Variants in MRPL4 observed in about 807,000 individuals in gnomAD.
MRPL4 encodes large ribosomal subunit protein uL4m.
Under a neutral mutation model 34.1 loss-of-function variants are expected in MRPL4, and 34 were observed. The observed-to-expected ratio is 1.00, with a 90% CI of 0.76 to 1.33. MRPL4 has a LOEUF of 1.33. Ranked by LOEUF, MRPL4 falls within the 40% of genes most tolerant of loss-of-function variation. MRPL4 has a pLI of 0.00. For missense variants in MRPL4, 402 were observed against 434.6 expected (o/e 0.92, Z 0.67); for synonymous variants, 196 against 188.3 (o/e 1.04, Z -0.33).
intron 5 of MRPL4, among the ~76,000 whole-genome samples, chr19:10,257,773 A>C (rs543408071): frequency 1.3e-5 from 2 of 151,538 alleles, no homozygotes; most frequent in African/African-American, 4.8e-5. Context: ...CACTCTAGCC[A>C]CTCTATGGAA....
chr19:10,252,199 G>T (rs781060971), upstream of MRPL4: 123 of 1,509,602 alleles, frequency 8.1e-5, no homozygotes, highest in Non-Finnish European at 1.1e-4. Flanking sequence ...ATCCAGCGGC[G>T]CCTCGCGAGG....
chr19:10,252,113 TC>T, upstream of MRPL4: 1 of 1,041,920 alleles, frequency 9.6e-7, no homozygotes, highest in Non-Finnish European at 1.3e-6. Flanking sequence ...TCGGACCCCC[TC>T]CATCTTCGGT....
In MRPL4 at chr19:10,256,697, T is replaced by C. The variant is rs1465696931; in HGVS notation, c.328-11T>C. The C allele has an allele frequency of 1.2e-6, 2 of 1,610,540 alleles. No homozygotes were observed. The highest frequency in any genetic ancestry group is 3.3e-5 in the Admixed American group (2 of 59,786). On this transcript the variant is annotated splice_polypyrimidine_tract_variant and intron_variant, in intron 4 of 8. Coordinates refer to ENST00000253099, the MANE Select transcript of MRPL4 (RefSeq NM_015956.3). ...TCGTGGACCTGACCCCCCTCCTCTT[T>C]GTGCCTCCAGAGCTATGCCAAGACC...
chr19:10,257,237 C>T (rs115548928), intron 5 of MRPL4, among the ~76,000 whole-genome samples: 1,554 of 152,270 alleles, frequency 0.01, 25 homozygotes, highest in African/African-American at 0.036. Context: ...TGGCTGCACA[C>T]CTTTCCCCCT....
intron 2 of MRPL4, 30 bp downstream of exon 2, chr19:10,252,493 G>C (rs1404695166): frequency 3.1e-6 from 5 of 1,613,952 alleles, no homozygotes; most frequent in Non-Finnish European, 4.2e-6. Context: ...TCCAGGAGGG[G>C]CGGCGACAGA....
Position 10,258,443 on chromosome 19 carries a change from C to G in MRPL4, c.583C>G (p.Leu195Val), listed in dbSNP as rs139740270. 1.9e-6 allele frequency: 3 copies of G among 1,613,926 alleles called. No homozygotes were observed. The African/African-American group carries it at 4.0e-5, about 22-fold the overall frequency. The change falls in exon 7 of 9, where the codon CTG becomes GTG. Residue 195 changes from leucine to valine, a missense_variant. Transcript: ENST00000253099. ...DDLHIMDSLE[L>V]PTGDPQYLTE... ...CCTGCACATCATGGACTCCCTAGAGCTGCCCACCGGAGACCCACAGTACCT... is the reference window on the plus strand; with the variant it reads ...CCTGCACATCATGGACTCCCTAGAGGTGCCCACCGGAGACCCACAGTACCT...
Position 10,256,653 on chromosome 19 carries a change from C to T in MRPL4, c.328-55C>T, listed in dbSNP as rs924268076. On this transcript the variant is annotated intron_variant, in intron 4 of 8. Transcript: ENST00000253099. ...TTCCCCGTGGCAGGACTGATCTGCC[C>T]GGCTCCCTGACACCTGCCTCGTGGA... The T allele has an allele frequency of 1.9e-5, 28 of 1,498,858 alleles. No homozygotes were observed. The East Asian group carries it at 4.0e-4, about 21-fold the overall frequency. 92.8% of individuals were successfully genotyped at this position (1,498,858 alleles called of 1,614,324 possible).
rs757193561 is a variant in MRPL4 at position 10,258,632 on chromosome 19, G to C, written c.686G>C (p.Ser229Thr). The C allele has an allele frequency of 6.2e-7, 1 of 1,614,184 alleles. No individual in the cohort carries two copies. The highest frequency in any genetic ancestry group is 8.5e-7 in the Non-Finnish European group (1 of 1,180,036). ...VDLTHEEMPQ[S>T]IVEATSRLKT... ...AGAACACACGAGGAGATGCCACAGA[G>C]CATCGTGGAGGCCACCTCTAGGCTT... Residue 229 changes from serine to threonine, a missense_variant, in exon 8 of 9, where the codon AGC becomes ACC. By Grantham distance (58) the Ser-to-Thr change is moderately conservative (BLOSUM62 1). Transcript: ENST00000253099.
Position 10,256,738 on chromosome 19 carries a change from G to T in MRPL4, c.358G>T (p.Val120Leu), listed in dbSNP as rs751484818. 1 of 1,605,712 alleles carries T rather than the reference G, an allele frequency of 6.2e-7. No homozygotes were observed. The highest frequency in any genetic ancestry group is 8.5e-7 in the Non-Finnish European group (1 of 1,176,104). The stretch of plus-strand genomic sequence containing the variant: ...TGCCAAGACCAAGACGAGAGCCGAG[G>T]TGCGGGGCGGTGGCCGGAAGCCTTG... ...SYAKTKTRAEVRGGGRKPWPQ... is the reference protein window; with the variant it reads ...SYAKTKTRAELRGGGRKPWPQ... The change falls in exon 5 of 9, where the codon GTG becomes TTG. Residue 120 changes from valine to leucine, a missense_variant. By Grantham distance (32) the Val-to-Leu change is conservative (BLOSUM62 1). Coordinates refer to ENST00000253099, the MANE Select transcript of MRPL4 (RefSeq NM_015956.3).
chr19:10,258,405 TC>T lies in MRPL4; in HGVS notation c.553-6del, dbSNP rs1211924331. The T allele has an allele frequency of 1.2e-6, 2 of 1,613,672 alleles. No homozygotes were observed. The highest frequency in any genetic ancestry group is 1.7e-6 in the Non-Finnish European group (2 of 1,179,928). On this transcript the variant is annotated splice_polypyrimidine_tract_variant and splice_region_variant and intron_variant, in intron 6 of 8. Coordinates refer to ENST00000253099, the MANE Select transcript of MRPL4 (RefSeq NM_015956.3). ...CCCAGGGTTCAAACCATCCTTTCCT[TC>T]CACCAGGACGACCTGCACATCATGG...
intron 3 of MRPL4, among the ~76,000 whole-genome samples, chr19:10,253,654 C>T (rs1241188150): frequency 6.6e-6 from 1 of 151,382 alleles, no homozygotes; most frequent in Non-Finnish European, 1.5e-5. Context: ...AGCCGGACGT[C>T]TTAGTGCAAG....
chr19:10,259,123 A>AC, intron 8 of MRPL4: 4 of 1,282,754 alleles, frequency 3.1e-6, no homozygotes, highest in Non-Finnish European at 3.9e-6. Flanking sequence ...AAAAAAAAAA[A>AC]AAGCTCCAAA....
rs770900160 is a variant in MRPL4, at chr19:10,252,657, G to A, written c.231G>A (p.Val77=). ...TGCGGGGCTTCGAGCAGGAGCGCGT[G>A]GGCCTGGCCGACCTGCACCCCGATG... ...ESLRGFEQER[V]GLADLHPDVF... The change falls in exon 3 of 9, where the codon GTG becomes GTA. Residue 77 remains valine (V), a synonymous_variant. Transcript: ENST00000253099. The A allele has an allele frequency of 6.2e-7, 1 of 1,607,426 alleles. No homozygotes were observed. Among genetic ancestry groups the A allele is most frequent in the African/African-American group, 1.3e-5 (1 of 74,920 alleles).
At chr19:10,253,094 G>C (rs2039811279) in intron 3 of MRPL4, 1 of 186,650 alleles carries the variant, frequency 5.4e-6, no homozygotes, top group Admixed American at 5.5e-5. Flanking sequence ...TTGCAAATAA[G>C]AGCACTAAAA....
chr19:10,252,228 C>T lies in MRPL4; in HGVS notation c.-26C>T. The T allele has an allele frequency of 3.2e-6, 5 of 1,584,422 alleles. No individual in the cohort carries two copies. Among genetic ancestry groups the T allele is most frequent in the East Asian group, 2.3e-5 (1 of 43,732 alleles). On this transcript the variant is annotated 5_prime_UTR_variant, in exon 1 of 9. Coordinates refer to ENST00000253099, the MANE Select transcript of MRPL4 (RefSeq NM_015956.3). ...CGCGAGGCTCCAGTGGCCTTGACCTCCCGCGGCGTGGGAGGCTGCGCGGCG... is the reference window on the plus strand; with the variant it reads ...CGCGAGGCTCCAGTGGCCTTGACCTTCCGCGGCGTGGGAGGCTGCGCGGCG...
At chr19:10,252,051 T>G, upstream of MRPL4, 8 of 572,472 alleles carry the variant, frequency 1.4e-5, no homozygotes, top group East Asian at 9.7e-5. Flanking sequence ...GAGGCAGGAG[T>G]GAAAATTGGG....
In MRPL4 at chr19:10,258,697, G is replaced by A. The variant is rs774542518; in HGVS notation, c.739+12G>A. The A allele has an allele frequency of 3.7e-6, 6 of 1,614,024 alleles. No homozygotes were observed. Among genetic ancestry groups the A allele is most frequent in the Non-Finnish European group, 4.2e-6 (5 of 1,180,032 alleles). ...GATCCCGGCTGTTGGTGAGCAAAGA[G>A]CCCAGGCCCCTAGAGTGCGCATGTG... is the stretch of plus-strand genomic sequence containing the variant. On this transcript the variant is annotated intron_variant, in intron 8 of 8. Transcript: ENST00000253099.
At chr19:10,252,150 G>A (rs2039795178), upstream of MRPL4, 8 of 1,371,910 alleles carry the variant, frequency 5.8e-6, no homozygotes, top group Admixed American at 2.3e-4. Flanking sequence ...TTCCAGCGCG[G>A]AGTCGCGGCG....
At position 10,259,992 on chromosome 19, in the gene MRPL4, T is replaced by A; in HGVS notation, c.*179T>A. 1 of 490,318 alleles carries A rather than the reference T, an allele frequency of 2.0e-6. No individual in the cohort carries two copies. Among genetic ancestry groups the A allele is most frequent in the Non-Finnish European group, 3.5e-6 (1 of 282,274 alleles). The allele number at this position is 490,318 out of a possible 1,614,324, so 30.4% of individuals were successfully genotyped here. A position where few individuals can be genotyped will look rare whatever the true frequency, so the allele number is the denominator to read the frequency against. On this transcript the variant is annotated 3_prime_UTR_variant, in exon 9 of 9. Coordinates refer to ENST00000253099, the MANE Select transcript of MRPL4 (RefSeq NM_015956.3). Reference sequence around the variant, plus strand: ...GACTCCACGGAAAGCCCAGACGGGCTTCTGCATCCATTCCCTCTTTTTGTT... The same window carrying A: ...GACTCCACGGAAAGCCCAGACGGGCATCTGCATCCATTCCCTCTTTTTGTT...
Sources: gnomAD v4.1 joint callset for allele counts (sites outside exome capture counted in the v4.1 genomes callset) on GRCh38, gnomAD v4.1.1 for gene constraint, MANE v1.5 for transcripts, NCBI Gene and HGNC (gene_info 2026-07-23, HGNC 2026-07-21) for gene names.